The following TLL2 variants were observed in gnomAD, a reference collection of about 807,000 sequenced individuals.
The protein encoded by TLL2 is tolloid-like protein 2.
TLL2 carries 106 observed loss-of-function variants against 123.0 expected under a neutral mutation model. That is an observed-to-expected ratio of 0.86 (90% confidence interval 0.74 to 1.01). The LOEUF is 1.01. Among genes scored for constraint, TLL2 ranks in the 50% least tolerant of loss-of-function variants. The probability of loss-of-function intolerance (pLI) is 0.00; values close to 1 mark genes in which losing one functional copy is unlikely to be tolerated. For synonymous variants in TLL2, 494 were observed against 516.8 expected (o/e 0.96, Z 0.60); for missense variants, 1,332 against 1,336.7 (o/e 1.00, Z 0.06).
chr10:96,471,136 G>T, intron 2 of TLL2, among the ~76,000 whole-genome samples: 1 of 151,018 alleles, frequency 6.6e-6, no homozygotes, highest in East Asian at 1.9e-4. Flanking sequence ...GAGTAGCTGG[G>T]ATTACAGGTG....
chr10:96,365,151 G>A lies in TLL2; in HGVS notation c.*2937C>T, dbSNP rs1846011477. 6.6e-6 allele frequency: 1 copy of A among 152,082 alleles called. No individual in the cohort carries two copies. The highest frequency in any genetic ancestry group is 2.1e-4 in the South Asian group (1 of 4,830). The allele number at this position is 152,082 out of a possible 1,614,324, so 9.4% of individuals were successfully genotyped here. A position where few individuals can be genotyped will look rare whatever the true frequency, so the allele number is the denominator to read the frequency against. Reference sequence around the variant, plus strand: ...AGAATCTTACAATGTTTTTTAAAAAGTTTACGAATTTGTGTCGGGCCATAT... The same window carrying A: ...AGAATCTTACAATGTTTTTTAAAAAATTTACGAATTTGTGTCGGGCCATAT... On this transcript the variant is annotated 3_prime_UTR_variant, in exon 21 of 21. Coordinates refer to ENST00000357947, the MANE Select transcript of TLL2 (RefSeq NM_012465.4).
chr10:96,476,240 A>ATATATATTTTTTTTTTTTT, intron 2 of TLL2, among the ~76,000 whole-genome samples: 2 of 20,494 alleles, frequency 9.8e-5, no homozygotes, highest in Admixed American at 5.2e-4. Flanking sequence ...ATATATATAT[A>ATATATATTTTTTTTTTTTT]TTTTATTTTT....
intron 2 of TLL2, among the ~76,000 whole-genome samples, chr10:96,456,864 T>C (rs1287325781): frequency 6.6e-6 from 1 of 152,162 alleles, no homozygotes; most frequent in African/African-American, 2.4e-5. Flanking sequence ...GAACTCGTAC[T>C]CCCAGCCTGG....
intron 20 of TLL2, 138 bp from the exon 21 acceptor site, chr10:96,368,360 C>G: frequency 9.9e-7 from 1 of 1,010,446 alleles, no homozygotes. Flanking sequence ...TCCAAACAAG[C>G]TCCTTTTCAA....
chr10:96,382,845 G>A (rs1036366501), intron 16 of TLL2, among the ~76,000 whole-genome samples: 9 of 152,152 alleles, frequency 5.9e-5, no homozygotes, highest in Non-Finnish European at 1.2e-4. Context: ...GCACAAAATG[G>A]ACTAAGATAG....
chr10:96,432,970 A>T lies in TLL2; in HGVS notation c.365-8T>A, dbSNP rs1279379402. 1.2e-6 allele frequency: 2 copies of T among 1,611,950 alleles called. No homozygotes were observed. Among genetic ancestry groups the T allele is most frequent in the African/African-American group, 1.3e-5 (1 of 74,830 alleles). Reference sequence around the variant, plus strand: ...TGGTATTCTCCCGGCCATCTGCAACACAGTCAGGTTAATATTGATTTTGCC... The same window carrying T: ...TGGTATTCTCCCGGCCATCTGCAACTCAGTCAGGTTAATATTGATTTTGCC... On this transcript the variant is annotated splice_polypyrimidine_tract_variant and splice_region_variant and intron_variant, in intron 3 of 20. Transcript: ENST00000357947.
In TLL2 at chr10:96,513,583, C is replaced by T. The variant is rs753706117; in HGVS notation, c.103G>A (p.Asp35Asn). Residue 35 changes from aspartate (D) to asparagine (N), a missense_variant, in exon 1 of 21, where the codon GAC (aspartate) becomes AAC (asparagine). Transcript: ENST00000357947. ...GLGERPDATADYSELDGEEGT... is the reference protein window; with the variant it reads ...GLGERPDATANYSELDGEEGT... ...TCCTCGCCGTCCAGCTCTGAGTAGT[C>T]TGCGGTGGCGTCCGGGCGCTCCCCG... The T allele has an allele frequency of 3.1e-6, 5 of 1,609,036 alleles. No homozygotes were observed. The highest frequency in any genetic ancestry group is 2.2e-5 in the East Asian group (1 of 44,684).
intron 4 of TLL2, among the ~76,000 whole-genome samples, chr10:96,430,357 C>A (rs1021805387): frequency 6.6e-6 from 1 of 152,220 alleles, no homozygotes; most frequent in Non-Finnish European, 1.5e-5. Flanking sequence ...TTGCAAGCTT[C>A]CTGAGGCCTC....
intron 4 of TLL2, among the ~76,000 whole-genome samples, chr10:96,432,262 A>G (rs779528895): frequency 2.6e-5 from 4 of 152,200 alleles, no homozygotes; most frequent in Non-Finnish European, 5.9e-5. Context: ...TATCATCCCC[A>G]TTTACAGAAG....
intron 9 of TLL2, among the ~76,000 whole-genome samples, chr10:96,406,985 G>A (rs547041569): frequency 6.6e-6 from 1 of 151,492 alleles, no homozygotes; most frequent in Non-Finnish European, 1.5e-5. Context: ...GCTCCCACAC[G>A]ATTCCTGGAC....
At chr10:96,398,877 T>C (rs996118471) in intron 10 of TLL2, among the ~76,000 whole-genome samples, 1 of 146,406 alleles carries the variant, frequency 6.8e-6, no homozygotes, top group Non-Finnish European at 1.5e-5. Flanking sequence ...TCTTTTTTTT[T>C]TTTTTTTTTT....
chr10:96,428,577 C>G, intron 5 of TLL2, 54 bp downstream of exon 5: 1 of 1,178,374 alleles, frequency 8.5e-7, no homozygotes, highest in Non-Finnish European at 1.3e-6. Context: ...AAATTCAACA[C>G]TCATGAGCCA....
chr10:96,371,252 C>T (rs1002595430), intron 19 of TLL2, among the ~76,000 whole-genome samples: 1 of 150,566 alleles, frequency 6.6e-6, no homozygotes, highest in Non-Finnish European at 1.5e-5. Flanking sequence ...ACCTGGGAGG[C>T]GGAGGTTGCA....
intron 15 of TLL2, among the ~76,000 whole-genome samples, chr10:96,385,514 C>A (rs1421865237): frequency 1.3e-5 from 2 of 152,160 alleles, no homozygotes; most frequent in Non-Finnish European, 2.9e-5. Flanking sequence ...GTGAGACCCC[C>A]AGCTCAGCTG....
At chr10:96,375,540 A>G (rs1846130082) in intron 18 of TLL2, among the ~76,000 whole-genome samples, 1 of 152,034 alleles carries the variant, frequency 6.6e-6, no homozygotes, top group Non-Finnish European at 1.5e-5. Flanking sequence ...GCCTTTCCCT[A>G]AGGCTCTCTT....
rs146758549 is a variant in TLL2, at chr10:96,495,143, A to G, written c.176-14684T>C. 5.6e-4 allele frequency among the ~76,000 whole-genome samples: 86 copies of G among 152,322 alleles called. No individual in the cohort carries two copies. In the South Asian group the frequency reaches 0.011, roughly 19 times the overall value. On this transcript the variant is annotated intron_variant, in intron 1 of 20. Coordinates refer to ENST00000357947, the MANE Select transcript of TLL2 (RefSeq NM_012465.4). ...GTGAGGAAGACTTCATAGATGTTCC[A>G]TAAGATAGTCACCTAGAGATAAGCC...
chr10:96,380,526 A>AAAT (rs1227001751), intron 16 of TLL2, among the ~76,000 whole-genome samples: 3 of 151,494 alleles, frequency 2.0e-5, no homozygotes, highest in Admixed American at 1.3e-4. Context: ...AAAATACAAA[A>AAAT]AATAATAATA....
intron 3 of TLL2, among the ~76,000 whole-genome samples, chr10:96,443,460 G>T (rs1163088406): frequency 6.6e-6 from 1 of 152,172 alleles, no homozygotes; most frequent in African/African-American, 2.4e-5. Flanking sequence ...CACTGGAGGT[G>T]TAGCTAAAGT....
chr10:96,476,248 T>TTTTTTTTTTTTTTTTTTGTTG (rs1285354320), intron 2 of TLL2, among the ~76,000 whole-genome samples: 6 of 69,238 alleles, frequency 8.7e-5, no homozygotes, highest in Non-Finnish European at 1.4e-4. Context: ...ATATTTTATT[T>TTTTTTTTTTTTTTTTTTGTTG]TTGTTGTTGT....
Sources: gnomAD v4.1 joint callset for allele counts (sites outside exome capture counted in the v4.1 genomes callset) on GRCh38, gnomAD v4.1.1 for gene constraint, MANE v1.5 for transcripts, NCBI Gene and HGNC (gene_info 2026-07-23, HGNC 2026-07-21) for gene names.